ZC3H13: variants seen among roughly 807,000 people sequenced by gnomAD.
The protein encoded by ZC3H13 is zinc finger CCCH-type containing 13.
A neutral mutation model predicts 204.1 loss-of-function variants in ZC3H13; 64 were observed. That is an observed-to-expected ratio of 0.31 (90% CI 0.26 to 0.39). The LOEUF (loss-of-function observed/expected upper bound fraction) is 0.39. ZC3H13 is among the 10% of genes least tolerant of loss of function. ZC3H13 has a pLI of 1.00. For missense variants in ZC3H13, 1,833 were observed against 2,082.7 expected, an observed-to-expected ratio of 0.88 and a Z score of 2.33; for synonymous variants, 667 against 693.7, an observed-to-expected ratio of 0.96 and a Z score of 0.60.
intron 4 of ZC3H13, among the ~76,000 whole-genome samples, chr13:46,024,911 A>G (rs1004930004): frequency 6.6e-6 from 1 of 152,158 alleles, no homozygotes; most frequent in South Asian, 2.1e-4. Flanking sequence ...AGTGCAATTA[A>G]CTTTCTATGC....
intron 17 of ZC3H13, 136 bp from the exon 18 acceptor site, chr13:45,959,782 C>T (rs1951540295): frequency 1.0e-6 from 1 of 987,852 alleles, no homozygotes; most frequent in East Asian, 2.9e-5. Flanking sequence ...ACATTAAAGG[C>T]AATATATTCT....
At chr13:46,015,410 CAT>C (rs755614349) in intron 5 of ZC3H13, among the ~76,000 whole-genome samples, 5 of 152,112 alleles carry the variant, frequency 3.3e-5, no homozygotes, top group East Asian at 1.9e-4. Flanking sequence ...ACACGTTACA[CAT>C]GTCAAGTATT....
At chr13:45,990,952 T>G (rs1474009284) in intron 8 of ZC3H13, among the ~76,000 whole-genome samples, 1 of 152,064 alleles carries the variant, frequency 6.6e-6, no homozygotes, top group Non-Finnish European at 1.5e-5. Context: ...TACAGGCACA[T>G]GCCACCACAC....
At chr13:45,996,689 T>C (rs2040358432) in intron 8 of ZC3H13, among the ~76,000 whole-genome samples, 1 of 151,890 alleles carries the variant, frequency 6.6e-6, no homozygotes, top group Admixed American at 6.6e-5. Flanking sequence ...GTAACCCTTA[T>C]TTTACTTAAT....
chr13:45,999,484 G>A (rs1232515104), intron 8 of ZC3H13, among the ~76,000 whole-genome samples: 1 of 152,186 alleles, frequency 6.6e-6, no homozygotes, highest in African/African-American at 2.4e-5. Context: ...TCATCCATAT[G>A]ATGCAACTCC....
intron 8 of ZC3H13, among the ~76,000 whole-genome samples, chr13:45,994,204 TAAC>T (rs1028452524): frequency 4.6e-5 from 7 of 152,248 alleles, no homozygotes; most frequent in African/African-American, 1.4e-4. Context: ...TACTTTGTAA[TAAC>T]AATACAGTAT....
At position 45,970,430 on chromosome 13, in the gene ZC3H13, C is replaced by A. The variant is rs1489839312; in HGVS notation, c.2504G>T (p.Arg835Ile). The A allele has an allele frequency of 6.2e-7, 1 of 1,613,686 alleles. No individual in the cohort carries two copies. The highest frequency in any genetic ancestry group is 8.5e-7 in the Non-Finnish European group (1 of 1,179,816). The part of the protein sequence containing the change: ...RYRNEGSPSP[R>I]QSPKRRREHS... ...TTCACGCCGGCGCTTCGGGGACTGT[C>A]TAGGGCTGGGACTCCCTTCATTTCT... Residue 835 changes from arginine to isoleucine, a missense_variant, in exon 13 of 19, where the codon AGA becomes ATA. By Grantham distance (97) the Arg-to-Ile change is moderately conservative (BLOSUM62 -3). Transcript: ENST00000679008.
At chr13:45,997,136 A>G (rs1317904807) in intron 8 of ZC3H13, among the ~76,000 whole-genome samples, 1 of 152,246 alleles carries the variant, frequency 6.6e-6, no homozygotes, top group African/African-American at 2.4e-5. Context: ...GTTTTGATCA[A>G]CATTGAATAA....
chr13:45,984,743 G>A (rs1343839803), intron 10 of ZC3H13, among the ~76,000 whole-genome samples: 2 of 152,124 alleles, frequency 1.3e-5, no homozygotes, highest in African/African-American at 4.8e-5. Context: ...GAGAGGTCAT[G>A]ATAATTAAGT....
At position 45,969,327 on chromosome 13, in the gene ZC3H13, G is replaced by A. The variant is rs747435679; in HGVS notation, c.3217C>T (p.Pro1073Ser). 30 of 1,613,734 alleles carry A rather than the reference G, an allele frequency of 1.9e-5. No homozygotes were observed. Among genetic ancestry groups the A allele is most frequent in the Non-Finnish European group, 2.4e-5 (28 of 1,179,986 alleles). Residue 1073 changes from proline (P) to serine (S), a missense_variant, in exon 14 of 19, where the codon CCT becomes TCT. This residue lies in a region of ZC3H13 where 1,574 missense variants were observed against 1,757.2 expected (regional missense o/e 0.90). Coordinates refer to ENST00000679008, the MANE Select transcript of ZC3H13 (RefSeq NM_001330564.2). ...AFSDWSDEDVPDRTEVTEAEH... is the reference protein window; with the variant it reads ...AFSDWSDEDVSDRTEVTEAEH... ...GCTTCTGTCACCTCTGTACGGTCAG[G>A]GACATCCTCATCAGACCAGTCACTG...
chr13:46,024,495 C>T (rs902774091), intron 4 of ZC3H13, among the ~76,000 whole-genome samples: 1 of 152,110 alleles, frequency 6.6e-6, no homozygotes, highest in Admixed American at 6.6e-5. Context: ...TATTTCACTG[C>T]CTTTTAGCTT....
chr13:45,965,129 T>C, intron 16 of ZC3H13, 151 bp downstream of exon 16: 1 of 970,096 alleles, frequency 1.0e-6, no homozygotes, highest in Non-Finnish European at 1.5e-6. Context: ...TAGGCTATAA[T>C]TTTCATTTTA....
chr13:45,995,159 T>C (rs892002672), intron 8 of ZC3H13, among the ~76,000 whole-genome samples: 2 of 152,190 alleles, frequency 1.3e-5, no homozygotes, highest in African/African-American at 4.8e-5. Context: ...ATTATGCATT[T>C]CTGACTGAAT....
Position 46,042,292 on chromosome 13 carries a change from A to AGAAACAAAACAAAAAAC in ZC3H13, c.228-34_228-18dup. The AGAAACAAAACAAAAAAC allele has an allele frequency of 6.3e-7, 1 of 1,584,670 alleles. No individual in the cohort carries two copies. Among genetic ancestry groups the AGAAACAAAACAAAAAAC allele is most frequent in the East Asian group, 2.2e-5 (1 of 44,590 alleles). ...TCTGGTGACCTTTGAACCAAAACAC[A>AGAAACAAAACAAAAAAC]GAAACAAAACAAAAAACGAAACAAA... On this transcript the variant is annotated splice_polypyrimidine_tract_variant and intron_variant, in intron 3 of 18. Coordinates refer to ENST00000679008, the MANE Select transcript of ZC3H13 (RefSeq NM_001330564.2).
chr13:46,032,805 T>C (rs1049310593), intron 4 of ZC3H13, among the ~76,000 whole-genome samples: 2 of 152,242 alleles, frequency 1.3e-5, no homozygotes, highest in Admixed American at 6.5e-5. Context: ...TGAAATACTA[T>C]GTAACTATAA....
chr13:45,994,821 A>T (rs1040151061), intron 8 of ZC3H13, among the ~76,000 whole-genome samples: 3 of 152,120 alleles, frequency 2.0e-5, no homozygotes, highest in African/African-American at 7.2e-5. Context: ...AGGCCAAGAA[A>T]CAGTAGATAA....
intron 8 of ZC3H13, among the ~76,000 whole-genome samples, chr13:45,994,056 C>G (rs1158153907): frequency 6.6e-6 from 1 of 152,248 alleles, no homozygotes; most frequent in Non-Finnish European, 1.5e-5. Context: ...AGCCTTGAGA[C>G]AGCAAGAACA....
chr13:46,025,647 C>A (rs903016418), intron 4 of ZC3H13, among the ~76,000 whole-genome samples: 8 of 152,242 alleles, frequency 5.3e-5, no homozygotes, highest in Admixed American at 5.2e-4. Context: ...AATGCTATTT[C>A]AAATCCTATT....
At chr13:46,009,827 AATTTGTAGC>A (rs1209515461) in intron 7 of ZC3H13, among the ~76,000 whole-genome samples, 1 of 152,110 alleles carries the variant, frequency 6.6e-6, no homozygotes, top group Non-Finnish European at 1.5e-5. Flanking sequence ...TTTTGTGTAT[AATTTGTAGC>A]AGTTTAAAAA....
Sources: gnomAD v4.1 joint callset for allele counts (sites outside exome capture counted in the v4.1 genomes callset) on GRCh38, gnomAD v4.1.1 for gene constraint, gnomAD v4.1.1 regional missense constraint, MANE v1.5 for transcripts, NCBI Gene and HGNC (gene_info 2026-07-23, HGNC 2026-07-21) for gene names.